The following RHEX variants were observed in gnomAD, a reference collection of about 807,000 sequenced individuals.
RHEX encodes regulator of hemoglobinization and erythroid cell expansion protein.
RHEX carries 18 observed loss-of-function variants against 20.1 expected under a neutral mutation model. The ratio of observed to expected loss-of-function variants is 0.90; its 90% CI spans 0.62 to 1.33. The LOEUF is 1.33. RHEX is among the 40% of genes most tolerant of loss of function. The probability of loss-of-function intolerance (pLI) is 0.00; values close to 1 mark genes in which losing one functional copy is unlikely to be tolerated. For missense variants in RHEX, 192 were observed against 214.3 expected (o/e 0.90, Z 0.65); for synonymous variants, 87 against 77.1 (o/e 1.13, Z -0.67).
intron 1 of RHEX, among the ~76,000 whole-genome samples, chr1:206,077,745 G>A (rs2102317147): frequency 6.6e-6 from 1 of 152,312 alleles, no homozygotes; most frequent in South Asian, 2.1e-4. Flanking sequence ...GATGCTTGTT[G>A]CTGCTGTTGT....
chr1:206,059,109 T>A (rs1261594166), intron 1 of RHEX, among the ~76,000 whole-genome samples: 1 of 152,120 alleles, frequency 6.6e-6, no homozygotes. Context: ...AGTTCCCTTC[T>A]CATTGCTCAG....
intron 1 of RHEX, among the ~76,000 whole-genome samples, chr1:206,054,185 A>G (rs1018484422): frequency 3.3e-5 from 5 of 152,260 alleles, no homozygotes; most frequent in Admixed American, 3.3e-4. Context: ...TATATGGTAA[A>G]TTCTTGTCCT....
chr1:206,064,260 T>TA (rs1662370316), intron 1 of RHEX, among the ~76,000 whole-genome samples: 1 of 109,736 alleles, frequency 9.1e-6, no homozygotes, highest in African/African-American at 3.7e-5. Context: ...GGGAGGGAGG[T>TA]GGGGGGGGTC....
intron 3 of RHEX, 119 bp downstream of exon 3, chr1:206,098,300 C>T (rs1663118379): frequency 2.8e-6 from 2 of 704,322 alleles, no homozygotes; most frequent in Non-Finnish European, 5.0e-6. Context: ...CCAGAGGACC[C>T]ACCGGCCAAA....
chr1:206,068,698 A>G (rs1276658012), intron 1 of RHEX, among the ~76,000 whole-genome samples: 2 of 152,220 alleles, frequency 1.3e-5, no homozygotes, highest in Non-Finnish European at 2.9e-5. Context: ...ATCTTAATGG[A>G]TAGGTTGACC....
At chr1:206,068,274 G>T (rs1348451991) in intron 1 of RHEX, among the ~76,000 whole-genome samples, 5 of 152,158 alleles carry the variant, frequency 3.3e-5, no homozygotes, top group Non-Finnish European at 7.4e-5. Flanking sequence ...AAGCAAAGTT[G>T]TTTTGTACAA....
At chr1:206,077,220 G>A (rs1448068308) in intron 1 of RHEX, among the ~76,000 whole-genome samples, 3 of 152,070 alleles carry the variant, frequency 2.0e-5, no homozygotes, top group East Asian at 1.9e-4. Flanking sequence ...ATGGTGAGCC[G>A]GTGATGACTT....
intron 1 of RHEX, among the ~76,000 whole-genome samples, chr1:206,094,351 T>TCTTAC (rs1663025040): frequency 2.0e-5 from 3 of 152,208 alleles, no homozygotes; most frequent in African/African-American, 7.2e-5. Context: ...TTGGATCTTA[T>TCTTAC]CTCCAAACTG....
At chr1:206,071,325 G>T (rs573365863) in intron 1 of RHEX, among the ~76,000 whole-genome samples, 17 of 152,170 alleles carry the variant, frequency 1.1e-4, no homozygotes, top group Admixed American at 3.9e-4. Flanking sequence ...TTCTAGCCAC[G>T]CTGGCAGCAG....
intron 1 of RHEX, among the ~76,000 whole-genome samples, chr1:206,064,269 T>TCAGCCCC (rs1250116576): frequency 1.1e-4 from 13 of 113,426 alleles, no homozygotes; most frequent in African/African-American, 4.3e-4. Flanking sequence ...GTGGGGGGGG[T>TCAGCCCC]CAGCCCCCCG....
rs184363433 is a variant in RHEX at position 206,102,424 on chromosome 1, T to G, written c.*472T>G. The G allele has an allele frequency of 1.3e-3, 206 of 159,206 alleles. 1 individual carries two copies. The Middle Eastern group carries it at 0.043, about 33-fold the overall frequency. The allele number at this position is 159,206 out of a possible 1,614,324, so 9.9% of individuals were successfully genotyped here. A position where few individuals can be genotyped will look rare whatever the true frequency, so the allele number is the denominator to read the frequency against. ...GGCAATAAACAACTTCTTTAAAAGTTTTAAATAAAATAGCAACCACCACCA... is the reference window on the plus strand; with the variant it reads ...GGCAATAAACAACTTCTTTAAAAGTGTTAAATAAAATAGCAACCACCACCA... On this transcript the variant is annotated 3_prime_UTR_variant, in exon 6 of 6. Coordinates refer to ENST00000331555, the MANE Select transcript of RHEX (RefSeq NM_001007544.4).
intron 1 of RHEX, among the ~76,000 whole-genome samples, chr1:206,083,060 AT>A (rs1164701131): frequency 1.9e-4 from 29 of 152,204 alleles, no homozygotes; most frequent in African/African-American, 7.0e-4. Context: ...ATTTATTCTT[AT>A]CTATTGCCCA....
chr1:206,065,630 T>C (rs1300430700), intron 1 of RHEX, among the ~76,000 whole-genome samples: 1 of 152,194 alleles, frequency 6.6e-6, no homozygotes, highest in Non-Finnish European at 1.5e-5. Context: ...AGATGTCTAA[T>C]GGGCATGATA....
intron 1 of RHEX, among the ~76,000 whole-genome samples, chr1:206,071,868 A>G (rs1429151596): frequency 6.6e-6 from 1 of 151,988 alleles, no homozygotes; most frequent in Non-Finnish European, 1.5e-5. Flanking sequence ...TCAAAAAAAA[A>G]AAAAAAAGAA....
intron 1 of RHEX, among the ~76,000 whole-genome samples, chr1:206,095,938 C>A (rs572860939): frequency 6.6e-6 from 1 of 152,232 alleles, no homozygotes. Context: ...GGTGATCCTC[C>A]CACCTCAGCC....
chr1:206,073,026 CAG>C (rs1373674793), intron 1 of RHEX, among the ~76,000 whole-genome samples: 1 of 151,914 alleles, frequency 6.6e-6, no homozygotes, highest in African/African-American at 2.4e-5. Flanking sequence ...TTGGTAGAGA[CAG>C]GGTTTCGCCA....
chr1:206,056,804 T>C (rs1553282658), intron 1 of RHEX, among the ~76,000 whole-genome samples: 1 of 151,960 alleles, frequency 6.6e-6, no homozygotes, highest in African/African-American at 2.4e-5. Context: ...GAAAAAAAAG[T>C]TACACAGTAA....
chr1:206,093,400 A>T lies in RHEX; in HGVS notation c.-96-4333A>T, dbSNP rs1662998007. On this transcript the variant is annotated intron_variant, in intron 1 of 5. Transcript: ENST00000331555. ...AATTCTCTGCCTCAACCTCTCGAGT[A>T]GCTAGGATTACAGGTGCCTGCCACC... Among the ~76,000 whole-genome samples, 4 of 152,058 alleles carry T rather than the reference A, an allele frequency of 2.6e-5. No individual in the cohort carries two copies. The South Asian group carries it at 8.3e-4, about 32-fold the overall frequency.
At chr1:206,088,388 A>G in intron 1 of RHEX, among the ~76,000 whole-genome samples, 1 of 152,228 alleles carries the variant, frequency 6.6e-6, no homozygotes, top group Non-Finnish European at 1.5e-5. Flanking sequence ...ATTATTGTTA[A>G]TGAAATATTC....
Sources: gnomAD v4.1 joint callset for allele counts (sites outside exome capture counted in the v4.1 genomes callset) on GRCh38, gnomAD v4.1.1 for gene constraint, MANE v1.5 for transcripts, NCBI Gene and HGNC (gene_info 2026-07-23, HGNC 2026-07-21) for gene names.